CACNA2D3: variants seen among roughly 807,000 people sequenced by gnomAD.
CACNA2D3 encodes the protein voltage-dependent calcium channel subunit alpha-2/delta-3.
A neutral mutation model predicts 160.6 loss-of-function variants in CACNA2D3; 60 were observed. The ratio of observed to expected loss-of-function variants is 0.37; its 90% CI spans 0.30 to 0.46. The LOEUF (loss-of-function observed/expected upper bound fraction) is 0.46. CACNA2D3 is among the 20% of genes least tolerant of loss of function. The pLI, the probability that CACNA2D3 is intolerant of heterozygous loss-of-function variation, is 1.00. For synonymous variants in CACNA2D3, 558 were observed against 492.9 expected (o/e 1.13, Z -1.75); for missense variants, 1,205 against 1,365.0 (o/e 0.88, Z 1.85).
At chr3:54,946,654 G>A (rs1481247514) in intron 27 of CACNA2D3, among the ~76,000 whole-genome samples, 1 of 151,948 alleles carries the variant, frequency 6.6e-6, no homozygotes. Flanking sequence ...TGGAAGCTGG[G>A]TGCAAACCTG....
At chr3:55,054,336 T>C (rs1704310745) in intron 35 of CACNA2D3, among the ~76,000 whole-genome samples, 1 of 151,890 alleles carries the variant, frequency 6.6e-6, no homozygotes, top group Non-Finnish European at 1.5e-5. Flanking sequence ...GTTTTAACCT[T>C]GTTTTTCTCT....
At chr3:54,754,425 A>G (rs768161033) in intron 12 of CACNA2D3, among the ~76,000 whole-genome samples, 1 of 152,202 alleles carries the variant, frequency 6.6e-6, no homozygotes, top group Non-Finnish European at 1.5e-5. Flanking sequence ...TGGGCATGAC[A>G]TGATGCCATA....
At chr3:54,899,742 A>G (rs1238355327) in intron 26 of CACNA2D3, 46 bp from the exon 27 acceptor site, 1 of 1,319,854 alleles carries the variant, frequency 7.6e-7, no homozygotes, top group Non-Finnish European at 1.1e-6. Flanking sequence ...TAACGTGTAC[A>G]CTGTAATTAT....
At chr3:54,957,594 G>A (rs1322387617) in intron 27 of CACNA2D3, among the ~76,000 whole-genome samples, 1 of 152,154 alleles carries the variant, frequency 6.6e-6, no homozygotes, top group African/African-American at 2.4e-5. Flanking sequence ...CTTGAGGTCT[G>A]GTGTGTGTGT....
At chr3:54,878,801 T>C in intron 18 of CACNA2D3, 1 of 401,946 alleles carries the variant, frequency 2.5e-6, no homozygotes. Context: ...TCCTGAAGTT[T>C]ACACGAGCTC....
chr3:54,244,445 T>A (rs1400632476), intron 2 of CACNA2D3, among the ~76,000 whole-genome samples: 1 of 152,222 alleles, frequency 6.6e-6, no homozygotes, highest in Non-Finnish European at 1.5e-5. Context: ...TCAAATGCCT[T>A]ATTAGCTTTA....
chr3:54,734,422 C>G (rs1335474184), intron 11 of CACNA2D3, among the ~76,000 whole-genome samples: 1 of 152,140 alleles, frequency 6.6e-6, no homozygotes, highest in African/African-American at 2.4e-5. Context: ...AGGACTACTG[C>G]AACTTCCCTG....
At chr3:54,945,960 C>A (rs1309064804) in intron 27 of CACNA2D3, among the ~76,000 whole-genome samples, 1 of 152,220 alleles carries the variant, frequency 6.6e-6, no homozygotes, top group Non-Finnish European at 1.5e-5. Context: ...GGCTCCTGCT[C>A]TTCACAAGAG....
chr3:54,300,551 T>G (rs1286125649), intron 2 of CACNA2D3, among the ~76,000 whole-genome samples: 6 of 152,248 alleles, frequency 3.9e-5, no homozygotes, highest in African/African-American at 1.4e-4. Context: ...ATTGTTCATC[T>G]TCATTCATGC....
chr3:54,659,238 C>T (rs549234417), intron 11 of CACNA2D3, among the ~76,000 whole-genome samples: 1 of 152,156 alleles, frequency 6.6e-6, no homozygotes, highest in Non-Finnish European at 1.5e-5. Flanking sequence ...GAGCTGGGCA[C>T]TGCGTTTGTT....
intron 11 of CACNA2D3, among the ~76,000 whole-genome samples, chr3:54,751,893 T>C (rs1701863861): frequency 6.6e-6 from 1 of 152,212 alleles, no homozygotes; most frequent in South Asian, 2.1e-4. Context: ...TCCTTATCTT[T>C]CTTCCATTTA....
chr3:54,968,404 T>C, intron 27 of CACNA2D3, 46 bp from the exon 28 acceptor site: 1 of 1,227,760 alleles, frequency 8.1e-7, no homozygotes, highest in Non-Finnish European at 1.2e-6. Context: ...TAAATAATTG[T>C]GTAAAGGGAT....
At chr3:54,656,905 C>T (rs528770743) in intron 11 of CACNA2D3, among the ~76,000 whole-genome samples, 5 of 152,250 alleles carry the variant, frequency 3.3e-5, no homozygotes, top group African/African-American at 7.2e-5. Context: ...CAGTTTCATG[C>T]GCGTCCGTGT....
At chr3:54,834,496 A>G (rs146219980) in intron 14 of CACNA2D3, among the ~76,000 whole-genome samples, 78 of 152,368 alleles carry the variant, frequency 5.1e-4, no homozygotes, top group African/African-American at 1.8e-3. Context: ...GCAAGATGTT[A>G]GAACCATGTT....
chr3:54,900,625 G>T (rs1700304729), intron 27 of CACNA2D3, among the ~76,000 whole-genome samples: 1 of 152,186 alleles, frequency 6.6e-6, no homozygotes, highest in Admixed American at 6.5e-5. Context: ...TGATGGGTGG[G>T]TGATATGCTC....
At chr3:54,507,705 G>A (rs912043931) in intron 5 of CACNA2D3, among the ~76,000 whole-genome samples, 16 of 152,202 alleles carry the variant, frequency 1.1e-4, no homozygotes, top group Non-Finnish European at 5.9e-5. Context: ...GCCTGGAAAT[G>A]TCTGGGAATG....
intron 11 of CACNA2D3, among the ~76,000 whole-genome samples, chr3:54,646,251 C>T (rs1364172298): frequency 2.1e-5 from 3 of 143,358 alleles, no homozygotes; most frequent in Admixed American, 7.2e-5. Flanking sequence ...TCCTTCCTCT[C>T]TCTCTCTCAA....
chr3:54,352,961 A>G (rs1003056774), intron 3 of CACNA2D3, among the ~76,000 whole-genome samples: 17 of 152,270 alleles, frequency 1.1e-4, no homozygotes, highest in African/African-American at 3.4e-4. Context: ...GACATCATAA[A>G]GAATGGGGTA....
At chr3:54,388,582 G>A (rs1395581837) in intron 4 of CACNA2D3, among the ~76,000 whole-genome samples, 1 of 152,192 alleles carries the variant, frequency 6.6e-6, no homozygotes, top group Non-Finnish European at 1.5e-5. Flanking sequence ...TCGGCAGCTG[G>A]CCCAGCTCTT....
Sources: gnomAD v4.1 joint callset for allele counts (sites outside exome capture counted in the v4.1 genomes callset) on GRCh38, gnomAD v4.1.1 for gene constraint, MANE v1.5 for transcripts, NCBI Gene and HGNC (gene_info 2026-07-23, HGNC 2026-07-21) for gene names.